The following ACOT11 variants were observed in gnomAD, a reference collection of about 807,000 sequenced individuals.
ACOT11 encodes acyl-CoA thioesterase 11.
A neutral mutation model predicts 77.5 loss-of-function variants in ACOT11; 69 were observed. The ratio of observed to expected loss-of-function variants is 0.89; its 90% confidence interval spans 0.73 to 1.09. The LOEUF (loss-of-function observed/expected upper bound fraction) is 1.09, where lower values mean the gene tolerates loss of function less well. Ranked by LOEUF, ACOT11 falls within the 50% of genes least tolerant of loss-of-function variation. ACOT11 has a pLI of 0.00. For synonymous variants in ACOT11, 279 were observed against 313.0 expected, an observed-to-expected ratio of 0.89 and a Z score of 1.15; for missense variants, 766 against 813.7, an observed-to-expected ratio of 0.94 and a Z score of 0.71.
chr1:54,612,989 T>A (rs1242985342), downstream of ACOT11, among the ~76,000 whole-genome samples: 1 of 135,468 alleles, frequency 7.4e-6, no homozygotes, highest in Non-Finnish European at 1.6e-5. Flanking sequence ...TTCTTAAACA[T>A]CCTCATATAG....
downstream of ACOT11, chr1:54,610,648 CA>C: frequency 6.5e-7 from 1 of 1,528,442 alleles, no homozygotes; most frequent in South Asian, 1.3e-5. Flanking sequence ...GCTCTACGGG[CA>C]TCCTCTCTAA....
intron 1 of ACOT11, among the ~76,000 whole-genome samples, chr1:54,554,512 C>G (rs917029403): frequency 1.5e-4 from 20 of 135,358 alleles, no homozygotes; most frequent in African/African-American, 5.7e-4. Flanking sequence ...ACCACTGTGC[C>G]CAGCTAATTT....
exon 17 of ACOT11, chr1:54,635,156 G>C (rs779891379): frequency 4.2e-6 from 1 of 237,136 alleles, no homozygotes; most frequent in Non-Finnish European, 8.2e-6. Context: ...TAGAAAAAAT[G>C]AACGTACTTA....
Position 54,610,292 on chromosome 1 carries a change from C to A in ACOT11, c.*1180C>A. 1 of 1,516,612 alleles carries A rather than the reference C, an allele frequency of 6.6e-7. No individual in the cohort carries two copies. The highest frequency in any genetic ancestry group is 8.8e-7 in the Non-Finnish European group (1 of 1,136,550). 93.9% of individuals were successfully genotyped at this position (1,516,612 alleles called of 1,614,324 possible). A position where few individuals can be genotyped will look rare whatever the true frequency, so the allele number is the denominator to read the frequency against. ...CCGCAACCCTGCCCCACCTTGCATC[C>A]AGGGTATGGTGTAAATAAACCTGTG... On this transcript the variant is annotated 3_prime_UTR_variant, in exon 16 of 16. Transcript: ENST00000343744.
At chr1:54,558,911 C>T (rs560734961) in intron 1 of ACOT11, among the ~76,000 whole-genome samples, 2 of 152,278 alleles carry the variant, frequency 1.3e-5, no homozygotes, top group South Asian at 2.1e-4. Flanking sequence ...ATGCAGTTCC[C>T]GCACGCTGGG....
At chr1:54,589,095 C>A (rs1181448100) in intron 3 of ACOT11, among the ~76,000 whole-genome samples, 1 of 152,134 alleles carries the variant, frequency 6.6e-6, no homozygotes, top group Non-Finnish European at 1.5e-5. Flanking sequence ...TGGCTCACTG[C>A]AACCTCTGCC....
chr1:54,614,659 A>T, downstream of ACOT11: 1 of 1,575,582 alleles, frequency 6.3e-7, no homozygotes, highest in Non-Finnish European at 8.6e-7. Flanking sequence ...TGTTGACAGA[A>T]GAGGGCTGGA....
At chr1:54,605,316 C>G in intron 13 of ACOT11, 107 bp downstream of exon 13, 14 of 1,371,302 alleles carry the variant, frequency 1.0e-5, no homozygotes, top group East Asian at 2.8e-5. Flanking sequence ...CCTGCTGGGG[C>G]TGGGGGTGGG....
intron 1 of ACOT11, among the ~76,000 whole-genome samples, chr1:54,573,501 G>A (rs1653991807): frequency 6.6e-6 from 1 of 152,238 alleles, no homozygotes; most frequent in Non-Finnish European, 1.5e-5. Context: ...GGGAGGCCAA[G>A]GCAGGAGGAT....
At chr1:54,614,754 G>A (rs1394392699), downstream of ACOT11, 5 of 1,614,030 alleles carry the variant, frequency 3.1e-6, no homozygotes, top group Non-Finnish European at 4.2e-6. Context: ...TAAGATGTCA[G>A]CGTTGATCCA....
intron 3 of ACOT11, among the ~76,000 whole-genome samples, chr1:54,587,903 A>C (rs947092012): frequency 6.6e-6 from 1 of 152,030 alleles, no homozygotes; most frequent in East Asian, 1.9e-4. Context: ...TTAAATTTAT[A>C]AAAACATTGT....
chr1:54,582,381 T>A (rs1373577607), intron 1 of ACOT11: 1 of 934,862 alleles, frequency 1.1e-6, no homozygotes, highest in Non-Finnish European at 1.3e-6. Context: ...TGTCCTCCTG[T>A]GTGCCAGGCC....
chr1:54,591,693 G>A (rs1178246071), intron 3 of ACOT11, among the ~76,000 whole-genome samples: 1 of 152,222 alleles, frequency 6.6e-6, no homozygotes, highest in East Asian at 1.9e-4. Flanking sequence ...CAGGCTAGGT[G>A]GCTCCCCTGG....
intron 1 of ACOT11, among the ~76,000 whole-genome samples, chr1:54,571,311 A>G (rs1008635616): frequency 3.9e-5 from 6 of 152,170 alleles, no homozygotes; most frequent in African/African-American, 1.2e-4. Context: ...GATTATTTCA[A>G]TAAACCTTCT....
At chr1:54,568,530 A>G (rs1653817897) in intron 1 of ACOT11, among the ~76,000 whole-genome samples, 1 of 151,680 alleles carries the variant, frequency 6.6e-6, no homozygotes, top group South Asian at 2.1e-4. Flanking sequence ...ACGCCTGGCT[A>G]ATTTTGTATC....
At chr1:54,592,637 G>T in intron 4 of ACOT11, 31 bp downstream of exon 4, 1 of 1,610,260 alleles carries the variant, frequency 6.2e-7, no homozygotes, top group East Asian at 2.2e-5. Context: ...TTGGGAGTGG[G>T]TGCGTGGGTG....
At chr1:54,613,128 C>A (rs916209449), downstream of ACOT11, among the ~76,000 whole-genome samples, 1 of 152,002 alleles carries the variant, frequency 6.6e-6, no homozygotes, top group Admixed American at 6.6e-5. Context: ...ACCTGTAATC[C>A]CAGCACTTTG....
chr1:54,562,545 A>AC (rs1231622338), intron 1 of ACOT11, among the ~76,000 whole-genome samples: 1,895 of 54,504 alleles, frequency 0.035, 117 homozygotes, highest in African/African-American at 0.047. Context: ...CGGGGGGCTG[A>AC]CCCACCCCCC....
intron 13 of ACOT11, among the ~76,000 whole-genome samples, 188 bp downstream of exon 13, chr1:54,605,397 G>A (rs1276605510): frequency 2.0e-5 from 3 of 152,162 alleles, no homozygotes; most frequent in East Asian, 3.9e-4. Context: ...GACTGAGCAC[G>A]GAATTAGAGC....
Sources: gnomAD v4.1 joint callset for allele counts (sites outside exome capture counted in the v4.1 genomes callset) on GRCh38, gnomAD v4.1.1 for gene constraint, MANE v1.5 for transcripts, NCBI Gene and HGNC (gene_info 2026-07-23, HGNC 2026-07-21) for gene names.